Variants in LDLRAD4 observed in about 807,000 individuals in gnomAD.
LDLRAD4 encodes the protein low density lipoprotein receptor class A domain containing 4, also known as low-density lipoprotein receptor class A domain-containing protein 4.
Under a neutral mutation model 17.0 loss-of-function variants are expected in LDLRAD4, and 5 were observed. The observed-to-expected ratio is 0.29, with a 90% CI of 0.15 to 0.62. The LOEUF (loss-of-function observed/expected upper bound fraction) is 0.62, where lower values mean the gene tolerates loss of function less well. LDLRAD4 is among the 20% of genes least tolerant of loss of function. The pLI, the probability that LDLRAD4 is intolerant of heterozygous loss-of-function variation, is 0.84. For missense variants in LDLRAD4, 340 were observed against 424.7 expected (o/e 0.80, Z 1.75); for synonymous variants, 168 against 171.8 (o/e 0.98, Z 0.17).
rs955688618 is a variant in LDLRAD4, at chr18:13,398,431, CAG to C, written c.40+10670_40+10671del. Among the ~76,000 whole-genome samples the C allele has an allele frequency of 1.3e-5, 2 of 151,880 alleles. No individual in the cohort carries two copies. Among genetic ancestry groups the C allele is most frequent in the African/African-American group, 4.8e-5 (2 of 41,324 alleles). On this transcript the variant is annotated intron_variant, in intron 2 of 5. Coordinates refer to ENST00000359446, the Ensembl canonical transcript of LDLRAD4. This position sits in a 1 kb window ranked among gnomAD's most constrained non-coding sequence, Gnocchi z 4.8. ...ATTTTATGTTACGTACATTTTACCA[CAG>C]TGAACATAAACAGTTTTGAAAAAAA...
At chr18:13,559,435 T>C (rs902998149) in intron 3 of LDLRAD4, among the ~76,000 whole-genome samples, 3 of 95,198 alleles carry the variant, frequency 3.2e-5, no homozygotes, top group Non-Finnish European at 4.8e-5. Flanking sequence ...TAAGGCCCAA[T>C]ATGCTAAAAA....
chr18:13,477,646 C>A (rs777933182), intron 3 of LDLRAD4, among the ~76,000 whole-genome samples: 11 of 152,332 alleles, frequency 7.2e-5, no homozygotes, highest in Non-Finnish European at 1.5e-4. Flanking sequence ...CCAAGCCCCT[C>A]TTTTCATAGC....
At chr18:13,221,616 C>CT (rs1329327246) in intron 1 of LDLRAD4, among the ~76,000 whole-genome samples, 3 of 152,278 alleles carry the variant, frequency 2.0e-5, no homozygotes, top group South Asian at 4.1e-4. Flanking sequence ...AGTACCTGTA[C>CT]TATTAATTAT....
At chr18:13,605,735 T>C (rs1292203558) in intron 3 of LDLRAD4, among the ~76,000 whole-genome samples, 1 of 152,146 alleles carries the variant, frequency 6.6e-6, no homozygotes, top group Non-Finnish European at 1.5e-5. Context: ...TGAGGTTGAG[T>C]ACTGTTCTTT....
At chr18:13,461,660 A>G (rs1274513883) in intron 3 of LDLRAD4, among the ~76,000 whole-genome samples, 1 of 152,132 alleles carries the variant, frequency 6.6e-6, no homozygotes, top group Non-Finnish European at 1.5e-5. Context: ...CTTGGTGTAC[A>G]CCCTATGTAA....
rs1157718015 is a variant in LDLRAD4 at position 13,610,265 on chromosome 18, A to ATTTTTTT, written c.182-10818_182-10812dup. 3.4e-3 allele frequency among the ~76,000 whole-genome samples: 213 copies of ATTTTTTT among 62,504 alleles called. 52 individuals carry two copies. Among genetic ancestry groups the ATTTTTTT allele is most frequent in the Non-Finnish European group, 6.2e-3 (185 of 29,686 alleles). The allele number at this position is 62,504 out of a possible 152,430, so 41.0% of individuals were successfully genotyped here. On this transcript the variant is annotated intron_variant, in intron 3 of 5. Transcript: ENST00000359446. Reference sequence around the variant, plus strand: ...TTCCATGAAGTTCACCAAAGCCCTAATTTTTTTTTTTTTTTTTTTTTTTTT... The same window carrying ATTTTTTT: ...TTCCATGAAGTTCACCAAAGCCCTAATTTTTTTTTTTTTTTTTTTTTTTTTTTTTTTT...
intron 1 of LDLRAD4, among the ~76,000 whole-genome samples, chr18:13,347,886 C>A (rs907603477): frequency 3.3e-5 from 5 of 152,196 alleles, no homozygotes; most frequent in Non-Finnish European, 5.9e-5. Context: ...CTTGCGCATT[C>A]GTCACATAGT....
intron 2 of LDLRAD4, among the ~76,000 whole-genome samples, chr18:13,438,002 G>A (rs535296839): frequency 3.8e-4 from 58 of 152,342 alleles, no homozygotes; most frequent in Middle Eastern, 6.8e-3. Context: ...AGAGTGAGGC[G>A]TGCAAGGTGG....
At chr18:13,479,451 T>C (rs915337246) in intron 3 of LDLRAD4, among the ~76,000 whole-genome samples, 1 of 152,110 alleles carries the variant, frequency 6.6e-6, no homozygotes, top group Non-Finnish European at 1.5e-5. Context: ...CATAACCCCA[T>C]CTCTACTAAA....
At chr18:13,383,337 G>A (rs1024628243) in intron 1 of LDLRAD4, among the ~76,000 whole-genome samples, 4 of 152,176 alleles carry the variant, frequency 2.6e-5, no homozygotes, top group East Asian at 1.9e-4. Flanking sequence ...TGGGGGAGAC[G>A]GGCAGGCATG....
intron 1 of LDLRAD4, among the ~76,000 whole-genome samples, chr18:13,358,899 C>G (rs1042020271): frequency 2.6e-5 from 4 of 152,150 alleles, no homozygotes; most frequent in African/African-American, 7.2e-5. Flanking sequence ...AATTTTCATT[C>G]TGAAACTCCA....
At chr18:13,543,009 C>G (rs2094308185) in intron 3 of LDLRAD4, 1 of 152,166 alleles carries the variant, frequency 6.6e-6, no homozygotes, top group African/African-American at 2.4e-5. Context: ...ATAGTCCCAT[C>G]TTTTTACAGG....
exon 2 of LDLRAD4, chr18:13,387,436 C>T (rs938886569): frequency 2.5e-5 from 9 of 353,808 alleles, no homozygotes; most frequent in Admixed American, 5.1e-5. Flanking sequence ...TGGCCAGGGG[C>T]GCCCGTGTTC....
chr18:13,612,666 T>C, intron 3 of LDLRAD4: 1 of 1,613,504 alleles, frequency 6.2e-7, no homozygotes, highest in Non-Finnish European at 8.5e-7. Flanking sequence ...GTGGGGGGGC[T>C]GCGTCACAGT....
chr18:13,269,614 T>C (rs1223562851), intron 1 of LDLRAD4, among the ~76,000 whole-genome samples: 1 of 152,132 alleles, frequency 6.6e-6, no homozygotes, highest in Non-Finnish European at 1.5e-5. Context: ...CTTCTGCTGG[T>C]AGCATCCGTG....
chr18:13,566,135 C>T (rs991679226), intron 3 of LDLRAD4, among the ~76,000 whole-genome samples: 1 of 152,180 alleles, frequency 6.6e-6, no homozygotes, highest in Non-Finnish European at 1.5e-5. Context: ...GTTACAGTTA[C>T]ATCCGCTTGG....
intron 1 of LDLRAD4, among the ~76,000 whole-genome samples, chr18:13,284,351 G>C (rs1345513280): frequency 2.6e-5 from 4 of 152,200 alleles, no homozygotes; most frequent in Middle Eastern, 3.4e-3. Flanking sequence ...TCTGTGATTA[G>C]AGTTTATTAG....
rs982109172 is a variant in LDLRAD4 at position 13,640,875 on chromosome 18, G to C, written c.337-2484G>C. Reference sequence around the variant, plus strand: ...ACCTGGGTTCACAGGCCTTAAGAAAGAATTTAGTTACTTATTTAACAAATT... The same window carrying C: ...ACCTGGGTTCACAGGCCTTAAGAAACAATTTAGTTACTTATTTAACAAATT... On this transcript the variant is annotated intron_variant, in intron 4 of 5. Coordinates refer to ENST00000359446, the Ensembl canonical transcript of LDLRAD4. Among the ~76,000 whole-genome samples the C allele has an allele frequency of 2.6e-5, 4 of 152,320 alleles. No homozygotes were observed. The East Asian group carries it at 7.7e-4, about 29-fold the overall frequency.
At chr18:13,266,158 G>A (rs2044203674) in intron 1 of LDLRAD4, among the ~76,000 whole-genome samples, 1 of 152,210 alleles carries the variant, frequency 6.6e-6, no homozygotes, top group East Asian at 1.9e-4. Context: ...TTTGGACAGT[G>A]AGTAGCACTC....
Sources: allele counts gnomAD v4.1 joint callset (sites outside exome capture counted in the v4.1 genomes callset), GRCh38; gene constraint gnomAD v4.1.1; non-coding constraint Gnocchi (gnomAD v3.1); transcripts MANE v1.5; gene names NCBI Gene and HGNC (gene_info 2026-07-23, HGNC 2026-07-21).